PEPD: variants seen among roughly 807,000 people sequenced by gnomAD.
The protein encoded by PEPD is peptidase D.
PEPD carries 53 observed loss-of-function variants against 60.7 expected under a neutral mutation model. The observed-to-expected ratio is 0.87, with a 90% CI of 0.70 to 1.10. The LOEUF (loss-of-function observed/expected upper bound fraction) is 1.10, where lower values mean the gene tolerates loss of function less well. Among genes scored for constraint, PEPD ranks in the 50% least tolerant of loss-of-function variants. The probability of loss-of-function intolerance (pLI) is 0.00; values close to 1 mark genes in which losing one functional copy is unlikely to be tolerated. For synonymous variants in PEPD, 267 were observed against 284.1 expected, an observed-to-expected ratio of 0.94 and a Z score of 0.60; for missense variants, 711 against 711.9, an observed-to-expected ratio of 1.00 and a Z score of 0.01.
chr19:33,445,596 C>CTGGGCT (rs1450358625), intron 9 of PEPD, among the ~76,000 whole-genome samples: 1 of 152,198 alleles, frequency 6.6e-6, no homozygotes, highest in Non-Finnish European at 1.5e-5. Flanking sequence ...AGTAGCAGCC[C>CTGGGCT]TGCCGATGCC....
rs1325483474 is a variant in PEPD at position 33,439,874 on chromosome 19, G to A, written c.671+23121C>T. Among the ~76,000 whole-genome samples, 4 of 152,278 alleles carry A rather than the reference G, an allele frequency of 2.6e-5. No homozygotes were observed. In the East Asian group the frequency reaches 7.7e-4, roughly 29 times the overall value. ...GCAAATGCCAAACTTTCCAAGGTGG[G>A]GTTCCAAGAAAGGTTCTTGTTTTTG... is the stretch of plus-strand genomic sequence containing the variant. On this transcript the variant is annotated intron_variant, in intron 9 of 14. Transcript: ENST00000244137.
At chr19:33,461,012 G>A (rs1969915615) in intron 9 of PEPD, among the ~76,000 whole-genome samples, 1 of 152,106 alleles carries the variant, frequency 6.6e-6, no homozygotes, top group Admixed American at 6.5e-5. Flanking sequence ...ATCCTGACTT[G>A]AACAAACCAA....
chr19:33,388,081 C>T lies in PEPD; in HGVS notation c.1153G>A (p.Gly385Ser). The T allele has an allele frequency of 1.3e-6, 2 of 1,546,568 alleles. No individual in the cohort carries two copies. The highest frequency in any genetic ancestry group is 4.9e-5 in the East Asian group (2 of 41,024). Residue 385 changes from glycine to serine, a missense_variant and splice_region_variant, in exon 14 of 15, where the codon GGC becomes AGC. Physicochemically the swap from Gly to Ser is moderately conservative, Grantham distance 56 (BLOSUM62 0). Transcript: ENST00000244137. ...CCGGGCTCGTCGATGCGCTCCACGC[C>T]CTGTGGGGAACAGAGGTGAGGGGCC... is the stretch of plus-strand genomic sequence containing the variant. ...DVHDVGGYPE[G>S]VERIDEPGLR...
chr19:33,414,415 G>A lies in PEPD; in HGVS notation c.672-772C>T, dbSNP rs554726949. Reference sequence around the variant, plus strand: ...GCACAGTCACTGCATGGATCTTTGAGCTCCAAGGGACTGAGCCATTCTGCC... The same window carrying A: ...GCACAGTCACTGCATGGATCTTTGAACTCCAAGGGACTGAGCCATTCTGCC... On this transcript the variant is annotated intron_variant, in intron 9 of 14. Coordinates refer to ENST00000244137, the MANE Select transcript of PEPD (RefSeq NM_000285.4). Among the ~76,000 whole-genome samples the A allele has an allele frequency of 1.3e-4, 20 of 152,336 alleles. No homozygotes were observed. The South Asian group carries it at 3.3e-3, about 25-fold the overall frequency.
chr19:33,473,433 G>A (rs779311617), intron 7 of PEPD, among the ~76,000 whole-genome samples: 8 of 152,140 alleles, frequency 5.3e-5, no homozygotes, highest in Non-Finnish European at 1.2e-4. Flanking sequence ...AGAGAGGCCG[G>A]GGAGCAGAAA....
intron 11 of PEPD, among the ~76,000 whole-genome samples, chr19:33,408,449 G>A (rs530415265): frequency 2.6e-5 from 4 of 152,338 alleles, no homozygotes; most frequent in Admixed American, 2.0e-4. Context: ...GCACAGCCTC[G>A]GTCAGTTCCC....
At chr19:33,464,678 G>C (rs1028516068) in intron 7 of PEPD, among the ~76,000 whole-genome samples, 1 of 152,174 alleles carries the variant, frequency 6.6e-6, no homozygotes, top group Admixed American at 6.5e-5. Context: ...GGTGGTCTAC[G>C]TGGGCAGGGG....
chr19:33,501,569 C>T (rs1295624090), intron 3 of PEPD, among the ~76,000 whole-genome samples: 2 of 151,992 alleles, frequency 1.3e-5, no homozygotes, highest in Non-Finnish European at 2.9e-5. Context: ...CCCACCTACT[C>T]GGGAGGCTGA....
chr19:33,398,781 A>G (rs1317221479), intron 12 of PEPD, among the ~76,000 whole-genome samples: 3 of 152,342 alleles, frequency 2.0e-5, no homozygotes, highest in Non-Finnish European at 1.5e-5. Context: ...GTCAGAAAGA[A>G]TAAGAAGGGA....
intron 9 of PEPD, among the ~76,000 whole-genome samples, chr19:33,460,359 G>T (rs920232236): frequency 6.6e-5 from 10 of 152,176 alleles, no homozygotes; most frequent in Admixed American, 6.5e-4. Flanking sequence ...GGAGCTCGAG[G>T]CGGAAGAAGT....
chr19:33,492,117 G>A (rs1429450431), intron 5 of PEPD, among the ~76,000 whole-genome samples: 2 of 150,476 alleles, frequency 1.3e-5, no homozygotes, highest in African/African-American at 4.9e-5. Context: ...CCTCTTATAT[G>A]AAACTCCCAA....
At chr19:33,406,837 C>T (rs1474754416) in intron 11 of PEPD, among the ~76,000 whole-genome samples, 1 of 152,066 alleles carries the variant, frequency 6.6e-6, no homozygotes, top group Non-Finnish European at 1.5e-5. Context: ...CGAGGTCTCG[C>T]CATTATCTAG....
chr19:33,392,208 G>A (rs1341205369), intron 12 of PEPD, among the ~76,000 whole-genome samples: 1 of 152,182 alleles, frequency 6.6e-6, no homozygotes, highest in Admixed American at 6.5e-5. Context: ...CATGTTTGTG[G>A]GGCAAAGGCC....
chr19:33,400,647 A>T (rs1317767140), intron 12 of PEPD, among the ~76,000 whole-genome samples: 1 of 152,214 alleles, frequency 6.6e-6, no homozygotes, highest in Non-Finnish European at 1.5e-5. Context: ...ATCCCATAGG[A>T]ACCTGCCCAG....
chr19:33,393,486 C>T (rs931011067), intron 12 of PEPD, among the ~76,000 whole-genome samples: 23 of 150,204 alleles, frequency 1.5e-4, no homozygotes, highest in Non-Finnish European at 2.1e-4. Flanking sequence ...GCCGCTCCCC[C>T]GCCTCCGTGA....
chr19:33,512,901 GC>G, intron 1 of PEPD, 125 bp from the exon 2 acceptor site: 1 of 983,156 alleles, frequency 1.0e-6, no homozygotes, highest in Non-Finnish European at 1.6e-6. Flanking sequence ...CACGGGGCAA[GC>G]TGCCCAAGCT....
intron 1 of PEPD, among the ~76,000 whole-genome samples, chr19:33,514,091 G>A (rs1449056615): frequency 1.3e-5 from 2 of 152,172 alleles, no homozygotes; most frequent in Non-Finnish European, 2.9e-5. Flanking sequence ...ACGGATGGTG[G>A]TCCCAGCAAG....
At chr19:33,492,876 GTTTA>G (rs1970527371) in intron 5 of PEPD, among the ~76,000 whole-genome samples, 1 of 152,036 alleles carries the variant, frequency 6.6e-6, no homozygotes, top group African/African-American at 2.4e-5. Context: ...ATTCCTCTTG[GTTTA>G]TTTTTTTCTT....
intron 9 of PEPD, among the ~76,000 whole-genome samples, chr19:33,422,818 A>ATATCTAATCTATCTATCTATC (rs1555756361): frequency 6.1e-5 from 8 of 131,090 alleles, no homozygotes; most frequent in Non-Finnish European, 1.8e-5. Flanking sequence ...CCATCCTTCT[A>ATATCTAATCTATCTATCTATC]TATCTATCTA....
Sources: gnomAD v4.1 joint callset for allele counts (sites outside exome capture counted in the v4.1 genomes callset) on GRCh38, gnomAD v4.1.1 for gene constraint, MANE v1.5 for transcripts, NCBI Gene and HGNC (gene_info 2026-07-23, HGNC 2026-07-21) for gene names.